GREB1L: variants seen among roughly 807,000 people sequenced by gnomAD.
GREB1L encodes the protein GREB1-like protein.
Under a neutral mutation model 200.8 loss-of-function variants are expected in GREB1L, and 17 were observed. The observed-to-expected ratio is 0.08, with a 90% confidence interval of 0.06 to 0.13. The LOEUF is 0.13. GREB1L is among the 10% of genes least tolerant of loss of function. The probability of loss-of-function intolerance (pLI) is 1.00; values close to 1 mark genes in which losing one functional copy is unlikely to be tolerated. For missense variants in GREB1L, 1,657 were observed against 2,367.7 expected (o/e 0.70, Z 6.23); for synonymous variants, 789 against 893.0 (o/e 0.88, Z 2.08).
Position 21,524,722 on chromosome 18 carries a change from A to C in GREB1L, c.*1901A>C, listed in dbSNP as rs1327202706. The C allele has an allele frequency of 6.6e-6, 1 of 151,890 alleles. No individual in the cohort carries two copies. Among genetic ancestry groups the C allele is most frequent in the African/African-American group, 2.4e-5 (1 of 41,376 alleles). 9.4% of individuals were successfully genotyped at this position (151,890 alleles called of 1,614,324 possible). ...TCATAGTTTAAAGAACTTTTTTTTTAAGTAGTTACATCAGATGCAGGTACT... is the reference window on the plus strand; with the variant it reads ...TCATAGTTTAAAGAACTTTTTTTTTCAGTAGTTACATCAGATGCAGGTACT... On this transcript the variant is annotated 3_prime_UTR_variant, in exon 33 of 33. Transcript: ENST00000424526.
intron 7 of GREB1L, among the ~76,000 whole-genome samples, chr18:21,418,326 C>T (rs2031838661): frequency 6.6e-6 from 1 of 152,100 alleles, no homozygotes; most frequent in Admixed American, 6.6e-5. Flanking sequence ...GCTCAATTCC[C>T]TTATATAAAA....
chr18:21,499,298 G>A (rs1230024035), intron 21 of GREB1L, among the ~76,000 whole-genome samples: 1 of 152,206 alleles, frequency 6.6e-6, no homozygotes, highest in Non-Finnish European at 1.5e-5. Context: ...TTAGTAGAGG[G>A]ACTATTTACT....
chr18:21,491,248 T>C (rs1334157499), intron 19 of GREB1L, among the ~76,000 whole-genome samples: 1 of 152,114 alleles, frequency 6.6e-6, no homozygotes, highest in Non-Finnish European at 1.5e-5. Context: ...CTGAGCTAAA[T>C]TGGGTTAAGG....
At chr18:21,423,923 G>C (rs143651845) in intron 7 of GREB1L, among the ~76,000 whole-genome samples, 1 of 152,264 alleles carries the variant, frequency 6.6e-6, no homozygotes, top group Non-Finnish European at 1.5e-5. Flanking sequence ...ATTAATTTAG[G>C]ATTGCCCTAC....
At chr18:21,337,550 C>T (rs1255851251) in intron 1 of GREB1L, among the ~76,000 whole-genome samples, 1 of 152,150 alleles carries the variant, frequency 6.6e-6, no homozygotes, top group Non-Finnish European at 1.5e-5. Context: ...GAATTCTGAG[C>T]ACTTTGTGAA....
intron 1 of GREB1L, among the ~76,000 whole-genome samples, chr18:21,300,688 T>C (rs533172065): frequency 6.6e-6 from 1 of 152,306 alleles, no homozygotes; most frequent in African/African-American, 2.4e-5. Context: ...TTTATACTAG[T>C]ATGGAGGACT....
intron 17 of GREB1L, among the ~76,000 whole-genome samples, chr18:21,484,681 G>A (rs1276062831): frequency 2.6e-5 from 4 of 152,076 alleles, no homozygotes; most frequent in African/African-American, 9.7e-5. Flanking sequence ...AAATTAGCTG[G>A]GCGTGGTGGT....
In GREB1L at chr18:21,444,405, G is replaced by A; in HGVS notation, c.1389G>A (p.Arg463=). The change falls in exon 11 of 33, where the codon CGG becomes CGA. Residue 463 remains arginine (R), a synonymous_variant. Transcript: ENST00000424526. ...TTCTGACGATACAGTATCTTGTGCGGCTGGGTAAGTCATTTTCCATAATCA... is the reference window on the plus strand; with the variant it reads ...TTCTGACGATACAGTATCTTGTGCGACTGGGTAAGTCATTTTCCATAATCA... The part of the protein sequence containing the change: ...MILLTIQYLV[R]LGPDQVPLRE... The A allele has an allele frequency of 6.4e-7, 1 of 1,550,664 alleles. No homozygotes were observed. Among genetic ancestry groups the A allele is most frequent in the South Asian group, 1.2e-5 (1 of 83,772 alleles).
chr18:21,314,030 G>A (rs182529669), intron 1 of GREB1L, among the ~76,000 whole-genome samples: 2 of 152,256 alleles, frequency 1.3e-5, no homozygotes, highest in Non-Finnish European at 1.5e-5. Context: ...CAAAAAGTGG[G>A]CATTCTTTTC....
intron 1 of GREB1L, among the ~76,000 whole-genome samples, chr18:21,352,008 C>T (rs187022034): frequency 1.8e-4 from 28 of 152,058 alleles, no homozygotes; most frequent in Admixed American, 6.6e-4. Flanking sequence ...CCACCACGCC[C>T]GGCTAATTTT....
chr18:21,357,745 C>T (rs550378776), intron 1 of GREB1L, among the ~76,000 whole-genome samples: 4 of 152,306 alleles, frequency 2.6e-5, no homozygotes, highest in Non-Finnish European at 2.9e-5. Context: ...ATTGTGTGTT[C>T]TTGGCCTCTT....
intron 2 of GREB1L, among the ~76,000 whole-genome samples, chr18:21,379,625 T>C (rs2040222200): frequency 6.6e-6 from 1 of 152,226 alleles, no homozygotes; most frequent in Non-Finnish European, 1.5e-5. Flanking sequence ...CTTTTGATGT[T>C]ATTTCATTGT....
At position 21,449,677 on chromosome 18, in the gene GREB1L, T is replaced by G. The variant is rs2034420784; in HGVS notation, c.1561T>G (p.Leu521Val). The G allele has an allele frequency of 6.4e-7, 1 of 1,551,702 alleles. No homozygotes were observed. Among genetic ancestry groups the G allele is most frequent in the South Asian group, 1.2e-5 (1 of 84,056 alleles). ...ARLIASVSQD[L>V]VHVVVTQNSL... is the part of the protein sequence containing the mutation. ...ATTAATTGCCAGCGTATCTCAAGAC[T>G]TGGTTCATGTGGTTGTGACCCAGAA... Residue 521 changes from leucine (L) to valine (V), a missense_variant, in exon 12 of 33, where the codon TTG becomes GTG. Transcript: ENST00000424526.
At position 21,486,869 on chromosome 18, in the gene GREB1L, G is replaced by A. The variant is rs182725443; in HGVS notation, c.2690+1116G>A. Among the ~76,000 whole-genome samples the A allele has an allele frequency of 2.7e-3, 409 of 152,212 alleles. 1 individual carries two copies. The highest frequency in any genetic ancestry group is 0.01 in the Middle Eastern group (3 of 294). ...TTTAGTAGCTATAGTTCTTAGAATG[G>A]CTTTAATTGATCATATTATTTAACA... On this transcript the variant is annotated intron_variant, in intron 18 of 32. Transcript: ENST00000424526.
chr18:21,401,990 T>C (rs2041336533), intron 6 of GREB1L: 1 of 152,192 alleles, frequency 6.6e-6, no homozygotes, highest in Admixed American at 6.5e-5. Context: ...TTTTTGATGT[T>C]TTTCCTGACT....
chr18:21,393,069 G>A (rs535501999), intron 4 of GREB1L, among the ~76,000 whole-genome samples: 16 of 152,242 alleles, frequency 1.1e-4, no homozygotes, highest in East Asian at 5.8e-4. Context: ...ACTGCACCTC[G>A]CCTCATCCAA....
At chr18:21,385,962 G>A (rs972381389) in intron 4 of GREB1L, among the ~76,000 whole-genome samples, 1 of 152,186 alleles carries the variant, frequency 6.6e-6, no homozygotes, top group Non-Finnish European at 1.5e-5. Flanking sequence ...GGTATGGAGA[G>A]CTGTTTAGTA....
chr18:21,364,241 T>A (rs1297275801), intron 1 of GREB1L, among the ~76,000 whole-genome samples: 3 of 152,148 alleles, frequency 2.0e-5, no homozygotes, highest in Non-Finnish European at 4.4e-5. Context: ...GGGGACAGAT[T>A]TTAAGTTATT....
intron 22 of GREB1L, 83 bp downstream of exon 22, chr18:21,500,389 G>T: frequency 2.4e-6 from 2 of 837,194 alleles, no homozygotes; most frequent in Admixed American, 2.2e-5. Context: ...AAACCTCTTG[G>T]GGGTGGAGCA....
Sources: allele counts gnomAD v4.1 joint callset (sites outside exome capture counted in the v4.1 genomes callset), GRCh38; gene constraint gnomAD v4.1.1; transcripts MANE v1.5; gene names NCBI Gene and HGNC (gene_info 2026-07-23, HGNC 2026-07-21).